The following SYNE1 variants were observed in gnomAD, a reference collection of about 807,000 sequenced individuals.
The protein encoded by SYNE1 is spectrin repeat containing nuclear envelope protein 1, also known as nesprin-1.
SYNE1 carries 616 observed loss-of-function variants against 1,111.0 expected under a neutral mutation model. That is an observed-to-expected ratio of 0.55 (90% CI 0.52 to 0.59). The LOEUF is 0.59. Among genes scored for constraint, SYNE1 ranks in the 20% least tolerant of loss-of-function variants. The pLI is 0.00. For synonymous variants in SYNE1, 3,855 were observed against 3,825.8 expected (o/e 1.01, Z -0.28); for missense variants, 10,006 against 10,417.0 (o/e 0.96, Z 1.72).
chr6:152,421,387 C>A (rs1292135564), intron 39 of SYNE1, among the ~76,000 whole-genome samples: 1 of 152,118 alleles, frequency 6.6e-6, no homozygotes, highest in Non-Finnish European at 1.5e-5. Flanking sequence ...AATCACTAAT[C>A]TTGCTGCACT....
chr6:152,464,875 T>C, intron 18 of SYNE1: 1 of 289,410 alleles, frequency 3.5e-6, no homozygotes, highest in South Asian at 3.6e-5. Flanking sequence ...CATGGTCCAG[T>C]TGTTCAACTG....
In SYNE1 at chr6:152,399,750, C is replaced by T. The variant is rs755821648; in HGVS notation, c.7103G>A (p.Arg2368His). 1.9e-5 allele frequency: 30 copies of T among 1,613,942 alleles called. No homozygotes were observed. Among genetic ancestry groups the T allele is most frequent in the Admixed American group, 3.3e-5 (2 of 59,998 alleles). Residue 2368 changes from arginine (R) to histidine (H), a missense_variant, in exon 48 of 146, where the codon CGC becomes CAC. This residue lies in a region of SYNE1 where 4,955 missense variants were observed against 5,017.2 expected (regional missense o/e 0.99). Transcript: ENST00000367255. ...CTCCAACTCAGCTGAGTGGTACTTG[C>T]GGCACAAGCTATTGAGATTTTCTTG... is the stretch of plus-strand genomic sequence containing the variant. ...STQENLNSLC[R>H]KYHSAELESL...
At chr6:152,367,497 C>A in intron 61 of SYNE1, 115 bp from the exon 62 acceptor site, 1 of 1,199,392 alleles carries the variant, frequency 8.3e-7, no homozygotes, top group Non-Finnish European at 1.2e-6. Flanking sequence ...TGCACAGATA[C>A]GAGGCAAGTC....
At chr6:152,333,779 T>C (rs1299194950) in intron 77 of SYNE1, among the ~76,000 whole-genome samples, 1 of 152,032 alleles carries the variant, frequency 6.6e-6, no homozygotes, top group Non-Finnish European at 1.5e-5. Context: ...ATTACAAGCA[T>C]GCACCACCAC....
chr6:152,194,724 C>T (rs2073633681), intron 127 of SYNE1, among the ~76,000 whole-genome samples: 1 of 152,038 alleles, frequency 6.6e-6, no homozygotes, highest in Admixed American at 6.6e-5. Flanking sequence ...CCTCTGACTG[C>T]GTAGCTTACT....
At chr6:152,193,832 A>G (rs1435123523) in intron 127 of SYNE1, among the ~76,000 whole-genome samples, 3 of 151,900 alleles carry the variant, frequency 2.0e-5, no homozygotes, top group African/African-American at 7.3e-5. Flanking sequence ...TAACACGGTG[A>G]AACCCTGTCT....
At chr6:152,145,143 T>C (rs753918400) in intron 137 of SYNE1, 7 of 357,798 alleles carry the variant, frequency 2.0e-5, no homozygotes, top group Non-Finnish European at 3.8e-5. Flanking sequence ...CTGCATGCAG[T>C]GAAGCTGAAA....
intron 61 of SYNE1, 125 bp downstream of exon 61, chr6:152,368,847 A>T: frequency 8.6e-7 from 1 of 1,162,060 alleles, no homozygotes; most frequent in East Asian, 2.3e-5. Context: ...CACGCCCCTT[A>T]CTGCTGACCT....
At chr6:152,482,340 C>G (rs1297386269) in intron 14 of SYNE1, among the ~76,000 whole-genome samples, 1 of 152,076 alleles carries the variant, frequency 6.6e-6, no homozygotes, top group Non-Finnish European at 1.5e-5. Context: ...TCAAAAATAT[C>G]AATAATTTGG....
intron 2 of SYNE1, among the ~76,000 whole-genome samples, chr6:152,631,186 C>T (rs1387571435): frequency 2.0e-5 from 3 of 152,162 alleles, no homozygotes; most frequent in Non-Finnish European, 4.4e-5. Context: ...GAAAGGTGTC[C>T]TTCTTGGCAA....
chr6:152,354,777 A>G lies in SYNE1; in HGVS notation c.10808T>C (p.Met3603Thr). 1 of 1,614,184 alleles carries G rather than the reference A, an allele frequency of 6.2e-7. No individual in the cohort carries two copies. The highest frequency in any genetic ancestry group is 8.5e-7 in the Non-Finnish European group (1 of 1,180,044). The change falls in exon 67 of 146, where the codon ATG becomes ACG. Residue 3603 changes from methionine to threonine, a missense_variant. Transcript: ENST00000367255. The part of the protein sequence containing the change: ...FNNVVNKLRL[M>T]EQKFQQVDEW... ...ATCTACTTGCTGAAACTTTTGCTCC[A>G]TTAGCCTCAATTTGTTCACCACGTT... is the stretch of plus-strand genomic sequence containing the variant.
chr6:152,181,150 G>A (rs1007047396), intron 128 of SYNE1, among the ~76,000 whole-genome samples: 8 of 150,496 alleles, frequency 5.3e-5, no homozygotes, highest in African/African-American at 1.7e-4. Context: ...AGGCCAAGGC[G>A]GGCAGAATCC....
rs2051562925 is a variant in SYNE1, at chr6:152,122,249, T to TC, written c.*186dup. ...CCAAACCTTCTTGTTGTCTGTTTGT[T>TC]CCCCCGTCACTGTTTATCTTCCACC... On this transcript the variant is annotated 3_prime_UTR_variant, in exon 146 of 146. Coordinates refer to ENST00000367255, the MANE Select transcript of SYNE1 (RefSeq NM_182961.4). The TC allele has an allele frequency of 1.2e-6, 1 of 843,030 alleles. No individual in the cohort carries two copies. Among genetic ancestry groups the TC allele is most frequent in the South Asian group, 1.6e-5 (1 of 60,620 alleles). 52.2% of individuals were successfully genotyped at this position (843,030 alleles called of 1,614,324 possible). A position where few individuals can be genotyped will look rare whatever the true frequency, so the allele number is the denominator to read the frequency against.
At chr6:152,606,022 G>C (rs1488250000) in intron 3 of SYNE1, among the ~76,000 whole-genome samples, 3 of 152,040 alleles carry the variant, frequency 2.0e-5, no homozygotes, top group Non-Finnish European at 4.4e-5. Flanking sequence ...TTTCCCCTAG[G>C]ATAATGTAGA....
At chr6:152,248,014 A>C (rs1235006355) in intron 105 of SYNE1, among the ~76,000 whole-genome samples, 3 of 151,962 alleles carry the variant, frequency 2.0e-5, no homozygotes, top group African/African-American at 7.3e-5. Flanking sequence ...GAAACAGGAG[A>C]TATTCTAACA....
At chr6:152,170,215 A>G (rs960008279) in intron 130 of SYNE1, among the ~76,000 whole-genome samples, 1 of 152,234 alleles carries the variant, frequency 6.6e-6, no homozygotes, top group African/African-American at 2.4e-5. Flanking sequence ...AAAGCTCTAA[A>G]GATACAATTA....
At chr6:152,447,059 C>T (rs527021) in intron 29 of SYNE1, among the ~76,000 whole-genome samples, 78,794 of 151,926 alleles carry the variant, frequency 0.52, 21,992 homozygotes, top group East Asian at 0.76. Flanking sequence ...CTAGATGTTA[C>T]GTAAGTTGAA....
chr6:152,627,515 G>A (rs58470376), intron 3 of SYNE1, among the ~76,000 whole-genome samples: 1,540 of 149,690 alleles, frequency 0.01, 22 homozygotes, highest in African/African-American at 0.036. Flanking sequence ...AAAATTAGCC[G>A]GGCATGGTGG....
At chr6:152,270,730 A>G (rs1166276436) in intron 98 of SYNE1, among the ~76,000 whole-genome samples, 1 of 152,202 alleles carries the variant, frequency 6.6e-6, no homozygotes, top group Non-Finnish European at 1.5e-5. Flanking sequence ...GGGGAGTTAG[A>G]CTATAAACAA....
Sources: gnomAD v4.1 joint callset for allele counts (sites outside exome capture counted in the v4.1 genomes callset) on GRCh38, gnomAD v4.1.1 for gene constraint, gnomAD v4.1.1 regional missense constraint, MANE v1.5 for transcripts, NCBI Gene and HGNC (gene_info 2026-07-23, HGNC 2026-07-21) for gene names.